TNS3: variants seen among roughly 807,000 people sequenced by gnomAD.
The protein encoded by TNS3 is tensin-3.
A neutral mutation model predicts 140.9 loss-of-function variants in TNS3; 45 were observed. The ratio of observed to expected loss-of-function variants is 0.32; its 90% CI spans 0.25 to 0.41. The LOEUF (loss-of-function observed/expected upper bound fraction) is 0.41, where lower values mean the gene tolerates loss of function less well. Ranked by LOEUF, TNS3 falls within the 10% of genes least tolerant of loss-of-function variation. The pLI is 1.00. For missense variants in TNS3, 1,716 were observed against 1,906.7 expected (o/e 0.90, Z 1.86); for synonymous variants, 815 against 788.4 (o/e 1.03, Z -0.56).
At chr7:47,493,168 C>A (rs146731667) in intron 3 of TNS3, among the ~76,000 whole-genome samples, 4 of 152,302 alleles carry the variant, frequency 2.6e-5, no homozygotes, top group African/African-American at 7.2e-5. Context: ...CTCTGACAGT[C>A]AATGTTCAGT....
chr7:47,334,969 T>G (rs1788550550), intron 20 of TNS3, among the ~76,000 whole-genome samples: 1 of 152,218 alleles, frequency 6.6e-6, no homozygotes, highest in Non-Finnish European at 1.5e-5. Flanking sequence ...GTTTTGAAAA[T>G]ATCATCAAGA....
chr7:47,510,294 C>T (rs1798562594), intron 2 of TNS3, among the ~76,000 whole-genome samples: 1 of 152,152 alleles, frequency 6.6e-6, no homozygotes, highest in African/African-American at 2.4e-5. Flanking sequence ...AACTTCGCAC[C>T]AAAATCCATC....
chr7:47,476,814 T>C (rs975632355), intron 4 of TNS3, among the ~76,000 whole-genome samples: 43 of 152,230 alleles, frequency 2.8e-4, no homozygotes, highest in African/African-American at 9.4e-4. Flanking sequence ...ATGTAACATA[T>C]GCCAAGTTGA....
chr7:47,343,627 T>A (rs544647747), intron 20 of TNS3, among the ~76,000 whole-genome samples: 3 of 152,312 alleles, frequency 2.0e-5, no homozygotes, highest in Non-Finnish European at 4.4e-5. Context: ...CTGCATCTAT[T>A]GAAATGATAA....
At chr7:47,469,932 C>T (rs1012723362) in intron 4 of TNS3, among the ~76,000 whole-genome samples, 1 of 142,032 alleles carries the variant, frequency 7.0e-6, no homozygotes, top group African/African-American at 2.7e-5. Context: ...CAAGATTGTT[C>T]CACTGCACTC....
At chr7:47,438,505 T>A (rs963141507) in intron 6 of TNS3, among the ~76,000 whole-genome samples, 2 of 152,142 alleles carry the variant, frequency 1.3e-5, no homozygotes, top group Admixed American at 1.3e-4. Context: ...AGAGGGCCCC[T>A]GGTGAGAGGC....
At chr7:47,507,177 A>T (rs1368116865) in intron 2 of TNS3, among the ~76,000 whole-genome samples, 1 of 152,222 alleles carries the variant, frequency 6.6e-6, no homozygotes. Context: ...GCAACAGCTC[A>T]GGTGGCTCAG....
At chr7:47,504,269 C>T (rs2151872906) in intron 3 of TNS3, among the ~76,000 whole-genome samples, 1 of 152,370 alleles carries the variant, frequency 6.6e-6, no homozygotes, top group South Asian at 2.1e-4. Flanking sequence ...TCCCCAGCTG[C>T]TGTCTCGGTC....
intron 4 of TNS3, among the ~76,000 whole-genome samples, chr7:47,467,856 A>G (rs1354314042): frequency 1.1e-4 from 17 of 152,204 alleles, no homozygotes; most frequent in Admixed American, 1.1e-3. Flanking sequence ...TCCCTCCCAC[A>G]GCACGCTGGC....
chr7:47,363,273 C>T (rs1181210132), intron 17 of TNS3, among the ~76,000 whole-genome samples: 1 of 151,740 alleles, frequency 6.6e-6, no homozygotes, highest in Non-Finnish European at 1.5e-5. Context: ...TCAATATCAT[C>T]ACAGTCATTA....
chr7:47,471,747 C>T (rs890913574), intron 4 of TNS3, among the ~76,000 whole-genome samples: 1 of 152,222 alleles, frequency 6.6e-6, no homozygotes, highest in African/African-American at 2.4e-5. Context: ...ACCTCCCCCT[C>T]GGGTGTCCAC....
At chr7:47,477,345 G>T (rs1009974079) in intron 4 of TNS3, among the ~76,000 whole-genome samples, 14 of 152,208 alleles carry the variant, frequency 9.2e-5, no homozygotes, top group African/African-American at 3.4e-4. Flanking sequence ...TGCCCCTCAG[G>T]TTAGCTGCAG....
chr7:47,441,929 T>C lies in TNS3; in HGVS notation c.-23+74A>G, dbSNP rs190922840. On this transcript the variant is annotated intron_variant, in intron 5 of 30. Coordinates refer to ENST00000311160, the MANE Select transcript of TNS3 (RefSeq NM_022748.12). ...ATTTCTACAGAAGAAAATGATGCCA[T>C]GCCCAAGTTTCCTCTGTAGAGAGCT... 10 of 1,082,932 alleles carry C rather than the reference T, an allele frequency of 9.2e-6. No individual in the cohort carries two copies. In the East Asian group the frequency reaches 5.8e-4, roughly 63 times the overall value. 67.1% of individuals were successfully genotyped at this position (1,082,932 alleles called of 1,614,324 possible). A position where few individuals can be genotyped will look rare whatever the true frequency, so the allele number is the denominator to read the frequency against.
chr7:47,518,504 C>T (rs1215322139), intron 2 of TNS3, among the ~76,000 whole-genome samples: 1 of 152,152 alleles, frequency 6.6e-6, no homozygotes, highest in African/African-American at 2.4e-5. Flanking sequence ...TTCTCTCTTT[C>T]TTTCCACGTA....
chr7:47,445,108 G>A lies in TNS3; in HGVS notation c.-75-3053C>T, dbSNP rs547472702. ...TGTAAGTCTACATCCACTTAAAATC[G>A]AGGCGAGAAACCCAGCACAGCTCAG... is the stretch of plus-strand genomic sequence containing the variant. On this transcript the variant is annotated intron_variant, in intron 4 of 30. Transcript: ENST00000311160. Among the ~76,000 whole-genome samples the A allele has an allele frequency of 5.3e-5, 8 of 152,132 alleles. No individual in the cohort carries two copies. In the South Asian group the frequency reaches 1.2e-3, roughly 24 times the overall value.
At chr7:47,539,533 A>C in intron 1 of TNS3, 2 of 223,244 alleles carry the variant, frequency 9.0e-6, no homozygotes, top group Non-Finnish European at 1.8e-5. Context: ...AGGCTCTTAC[A>C]CTCCAGGGTC....
chr7:47,391,799 C>A (rs1046482781), intron 16 of TNS3, among the ~76,000 whole-genome samples: 7 of 152,130 alleles, frequency 4.6e-5, no homozygotes, highest in Non-Finnish European at 1.0e-4. Context: ...GTAAGAAATC[C>A]CCCCACCCAC....
intron 4 of TNS3, among the ~76,000 whole-genome samples, chr7:47,445,769 A>C (rs553789892): frequency 6.6e-6 from 1 of 152,202 alleles, no homozygotes; most frequent in Non-Finnish European, 1.5e-5. Flanking sequence ...TTGGACTAAA[A>C]TGAGAACCAG....
At chr7:47,573,867 G>A (rs971638521) in intron 1 of TNS3, among the ~76,000 whole-genome samples, 6 of 152,226 alleles carry the variant, frequency 3.9e-5, no homozygotes, top group Non-Finnish European at 8.8e-5. Flanking sequence ...AGGGGAAAAC[G>A]ACAGCCTGCT....
Sources: allele counts gnomAD v4.1 joint callset (sites outside exome capture counted in the v4.1 genomes callset), GRCh38; gene constraint gnomAD v4.1.1; transcripts MANE v1.5; gene names NCBI Gene and HGNC (gene_info 2026-07-23, HGNC 2026-07-21).